Variants in GAS7 observed in about 807,000 individuals in gnomAD.
The protein encoded by GAS7 is growth arrest specific 7.
Under a neutral mutation model 71.1 loss-of-function variants are expected in GAS7, and 28 were observed. The ratio of observed to expected loss-of-function variants is 0.39; its 90% CI spans 0.29 to 0.54. The LOEUF is 0.54. GAS7 is among the 20% of genes least tolerant of loss of function. GAS7 has a pLI of 0.62. For synonymous variants in GAS7, 258 were observed against 245.8 expected, an observed-to-expected ratio of 1.05 and a Z score of -0.46; for missense variants, 436 against 627.8, an observed-to-expected ratio of 0.69 and a Z score of 3.27.
At chr17:10,164,044 C>T (rs896130586) in intron 1 of GAS7, among the ~76,000 whole-genome samples, 10 of 152,176 alleles carry the variant, frequency 6.6e-5, no homozygotes, top group African/African-American at 2.4e-4. Context: ...CTTTGACTGC[C>T]CCTTACAGTC....
At chr17:10,140,400 G>A (rs183090063) in intron 1 of GAS7, among the ~76,000 whole-genome samples, 64 of 152,264 alleles carry the variant, frequency 4.2e-4, no homozygotes, top group Non-Finnish European at 7.1e-4. Flanking sequence ...GGTTGAGGCT[G>A]CAGTGAGCCG....
At chr17:9,925,773 C>T (rs1435880136) in intron 10 of GAS7, among the ~76,000 whole-genome samples, 174 bp from the exon 11 acceptor site, 1 of 152,204 alleles carries the variant, frequency 6.6e-6, no homozygotes, top group Non-Finnish European at 1.5e-5. Context: ...TAGGTAGAGG[C>T]TACAACCCAA....
intron 1 of GAS7, among the ~76,000 whole-genome samples, chr17:10,091,706 GAGTCTA>G (rs2073583853): frequency 6.6e-6 from 1 of 152,062 alleles, no homozygotes; most frequent in Admixed American, 6.6e-5. Flanking sequence ...TTTTGAGACA[GAGTCTA>G]GCTGTGTCAC....
At chr17:10,140,426 T>C (rs1167814373) in intron 1 of GAS7, among the ~76,000 whole-genome samples, 1 of 152,096 alleles carries the variant, frequency 6.6e-6, no homozygotes, top group East Asian at 1.9e-4. Context: ...GCCACTGCAC[T>C]CCAGCCTGGG....
chr17:10,124,158 C>A (rs2073926421), intron 1 of GAS7, among the ~76,000 whole-genome samples: 1 of 152,238 alleles, frequency 6.6e-6, no homozygotes, highest in South Asian at 2.1e-4. Flanking sequence ...GGGCGGGCTC[C>A]CCGCGCGGCT....
Position 10,019,869 on chromosome 17 carries a change from C to G in GAS7, c.212G>C (p.Gly71Ala). ...AAGGATGACCGTCTGGCTTTCTTCT[C>G]CCGGCGGAGGGGGGACCATTCCAGG... ...EKPGMVPPPP[G>A]EESQTVILPP... The change falls in exon 2 of 14, where the codon GGA becomes GCA. Residue 71 changes from glycine to alanine, a missense_variant. Coordinates refer to ENST00000432992, the MANE Select transcript of GAS7 (RefSeq NM_201433.2). 1.2e-6 allele frequency: 2 copies of G among 1,613,992 alleles called. No homozygotes were observed. Among genetic ancestry groups the G allele is most frequent in the Non-Finnish European group, 1.7e-6 (2 of 1,179,910 alleles).
At chr17:10,038,104 T>C (rs1366000929) in intron 1 of GAS7, among the ~76,000 whole-genome samples, 1 of 149,972 alleles carries the variant, frequency 6.7e-6, no homozygotes, top group Non-Finnish European at 1.5e-5. Flanking sequence ...ATGCCTGTAA[T>C]CCCAGCACTG....
chr17:9,986,029 C>G (rs2070634869), intron 2 of GAS7, among the ~76,000 whole-genome samples: 1 of 152,228 alleles, frequency 6.6e-6, no homozygotes, highest in Non-Finnish European at 1.5e-5. Context: ...GTCCATCCCT[C>G]AGACAGCTCA....
Position 9,971,781 on chromosome 17 carries a change from A to G in GAS7, c.386-2019T>C, listed in dbSNP as rs192645120. 2.6e-4 allele frequency among the ~76,000 whole-genome samples: 40 copies of G among 152,330 alleles called. No individual in the cohort carries two copies. The East Asian group carries it at 7.5e-3, about 29-fold the overall frequency. On this transcript the variant is annotated intron_variant, in intron 3 of 13. Coordinates refer to ENST00000432992, the MANE Select transcript of GAS7 (RefSeq NM_201433.2). ...CTGATGTCCAACTCATGATTCTTCTAGAGAAAACTCTATAGCGTGGCAGGA... is the reference window on the plus strand; with the variant it reads ...CTGATGTCCAACTCATGATTCTTCTGGAGAAAACTCTATAGCGTGGCAGGA...
At chr17:10,045,367 C>G (rs143111635) in intron 1 of GAS7, among the ~76,000 whole-genome samples, 39 of 152,232 alleles carry the variant, frequency 2.6e-4, no homozygotes, top group African/African-American at 8.7e-4. Context: ...GTCCTAGGAC[C>G]CTTATAAAAT....
intron 1 of GAS7, among the ~76,000 whole-genome samples, chr17:10,093,399 G>A (rs1255268211): frequency 1.3e-5 from 2 of 152,028 alleles, no homozygotes; most frequent in African/African-American, 2.4e-5. Flanking sequence ...GTAAAACCCA[G>A]TCTCTACTAA....
chr17:9,911,270 C>T lies in GAS7; in HGVS notation c.*5958G>A, dbSNP rs1229969748. On this transcript the variant is annotated 3_prime_UTR_variant, in exon 14 of 14. Coordinates refer to ENST00000432992, the MANE Select transcript of GAS7 (RefSeq NM_201433.2). The surrounding 1 kb of genome is among the most constrained non-coding windows in gnomAD (Gnocchi z 4.0). ...CCCGACAGGGGATGTGACTTAACTT[C>T]AGGTTATGGGACAAAGGAGGCCGCA... is the stretch of plus-strand genomic sequence containing the variant. 4.3e-6 allele frequency: 1 copy of T among 233,274 alleles called. No individual in the cohort carries two copies. Among genetic ancestry groups the T allele is most frequent in the African/African-American group, 2.2e-5 (1 of 45,358 alleles). The allele number at this position is 233,274 out of a possible 1,614,324, so 14.5% of individuals were successfully genotyped here.
intron 8 of GAS7, among the ~76,000 whole-genome samples, chr17:9,935,263 T>C (rs1027748207): frequency 5.3e-5 from 8 of 152,192 alleles, no homozygotes; most frequent in African/African-American, 1.9e-4. Flanking sequence ...CACAGCTTAC[T>C]AGAGAAGGGC....
chr17:10,075,245 A>C (rs1320808686), intron 1 of GAS7, among the ~76,000 whole-genome samples: 2 of 152,048 alleles, frequency 1.3e-5, no homozygotes, highest in East Asian at 3.9e-4. Context: ...AATCCCAGCT[A>C]CTCAGGAGGC....
chr17:10,102,213 A>C (rs1244026166), intron 1 of GAS7, among the ~76,000 whole-genome samples: 2 of 149,886 alleles, frequency 1.3e-5, no homozygotes, highest in Non-Finnish European at 3.0e-5. Flanking sequence ...CGTAAAAAAA[A>C]AAAAAAAAAA....
chr17:10,061,652 C>T (rs1166775909), intron 1 of GAS7, among the ~76,000 whole-genome samples: 3 of 152,206 alleles, frequency 2.0e-5, no homozygotes, highest in South Asian at 2.1e-4. Flanking sequence ...GACAGGAATG[C>T]GGTGTCGTTA....
In GAS7 at chr17:10,031,771, G is replaced by A. The variant is rs142867488; in HGVS notation, c.184-11874C>T. Among the ~76,000 whole-genome samples the A allele has an allele frequency of 6.6e-5, 10 of 152,344 alleles. No individual in the cohort carries two copies. The East Asian group carries it at 1.7e-3, about 26-fold the overall frequency. ...ATGTTTCTTGCATCTGAGATGGCCC[G>A]TCCTTTTCGTTGGTGGCATCTCCCC... is the stretch of plus-strand genomic sequence containing the variant. On this transcript the variant is annotated intron_variant, in intron 1 of 13. Transcript: ENST00000432992.
intron 1 of GAS7, among the ~76,000 whole-genome samples, chr17:10,087,634 C>T (rs2073533789): frequency 3.3e-5 from 5 of 152,074 alleles, no homozygotes; most frequent in Admixed American, 2.0e-4. Flanking sequence ...CAGGGTTCCC[C>T]GAACACAGCC....
intron 1 of GAS7, among the ~76,000 whole-genome samples, chr17:10,145,101 G>A (rs542199836): frequency 6.6e-4 from 100 of 152,338 alleles, no homozygotes; most frequent in South Asian, 1.7e-3. Context: ...GAAAGGAGAA[G>A]ACCAACAGAA....
Sources: gnomAD v4.1 joint callset for allele counts (sites outside exome capture counted in the v4.1 genomes callset) on GRCh38, gnomAD v4.1.1 for gene constraint, Gnocchi (gnomAD v3.1) non-coding constraint, MANE v1.5 for transcripts, NCBI Gene and HGNC (gene_info 2026-07-23, HGNC 2026-07-21) for gene names.